The following ANKRD30BL variants were observed in gnomAD, a reference collection of about 807,000 sequenced individuals.
The protein encoded by ANKRD30BL is putative ankyrin repeat domain-containing protein 30B-like.
Under a neutral mutation model 18.4 loss-of-function variants are expected in ANKRD30BL, and 20 were observed. The ratio of observed to expected loss-of-function variants is 1.09; its 90% CI spans 0.77 to 1.58. The LOEUF (loss-of-function observed/expected upper bound fraction) is 1.58, where lower values mean the gene tolerates loss of function less well. ANKRD30BL is among the 40% of genes most tolerant of loss of function. ANKRD30BL has a pLI of 0.00. For missense variants in ANKRD30BL, 224 were observed against 268.6 expected, an observed-to-expected ratio of 0.83 and a Z score of 1.16; for synonymous variants, 72 against 100.9, an observed-to-expected ratio of 0.71 and a Z score of 1.72.
chr2:132,255,815 C>A (rs77072669), intron 1 of ANKRD30BL, among the ~76,000 whole-genome samples: 1 of 152,108 alleles, frequency 6.6e-6, no homozygotes, highest in African/African-American at 2.4e-5. Flanking sequence ...ATAGGCACAG[C>A]GACTACCATA....
rs1178170030 is a variant in ANKRD30BL, at chr2:132,157,289, A to T, written c.333+20T>A. 7.5e-6 allele frequency: 6 copies of T among 803,884 alleles called. No individual in the cohort carries two copies. The highest frequency in any genetic ancestry group is 2.7e-4 in the Middle Eastern group (1 of 3,748). 49.8% of individuals were successfully genotyped at this position (803,884 alleles called of 1,614,324 possible). On this transcript the variant is annotated intron_variant, in intron 2 of 5. Coordinates refer to ENST00000409867, the MANE Select transcript of ANKRD30BL (RefSeq NM_001358416.1). ...TTAAACCAAATCCATCTCCTGCTGA[A>T]AGAACTGGCTACCATTTACCTTCAT...
chr2:132,165,091 A>AC (rs1430192409), upstream of ANKRD30BL, among the ~76,000 whole-genome samples: 3 of 151,922 alleles, frequency 2.0e-5, no homozygotes, highest in Admixed American at 6.6e-5. Context: ...AAACAAACAA[A>AC]AAAAAACGCA....
At chr2:132,256,198 T>C (rs62165005) in intron 1 of ANKRD30BL, among the ~76,000 whole-genome samples, 4 of 152,000 alleles carry the variant, frequency 2.6e-5, no homozygotes, top group Non-Finnish European at 5.9e-5. Context: ...ACCAGGTAGG[T>C]AGAAAGCGGC....
At chr2:132,218,153 C>T (rs1315410824) in intron 1 of ANKRD30BL, among the ~76,000 whole-genome samples, 3 of 152,378 alleles carry the variant, frequency 2.0e-5, no homozygotes, top group Middle Eastern at 3.4e-3. Flanking sequence ...TTCTCAGAAA[C>T]TTTTTTGTGA....
In ANKRD30BL at chr2:132,191,208, TTC is replaced by T. The variant is rs541217247; in HGVS notation, n.442-34064_442-34063del. Among the ~76,000 whole-genome samples, 392 of 152,334 alleles carry T rather than the reference TTC, an allele frequency of 2.6e-3. 5 individuals carry two copies. Among genetic ancestry groups the T allele is most frequent in the African/African-American group, 8.9e-3 (371 of 41,582 alleles). On this transcript the variant is annotated intron_variant and non_coding_transcript_variant, in intron 1 of 4. Transcript: ENST00000470729. ...TTATAATATACCTACTGTTGTTTCA[TTC>T]TCTCAATATATTTTAGGATCACCTA...
chr2:132,227,219 T>C (rs1303389032), intron 1 of ANKRD30BL, among the ~76,000 whole-genome samples: 1 of 152,094 alleles, frequency 6.6e-6, no homozygotes, highest in Non-Finnish European at 1.5e-5. Flanking sequence ...ACATAAATAC[T>C]AGACAGAAGC....
At chr2:132,217,116 A>T (rs1266276909) in intron 1 of ANKRD30BL, among the ~76,000 whole-genome samples, 2 of 152,084 alleles carry the variant, frequency 1.3e-5, no homozygotes, top group African/African-American at 2.4e-5. Flanking sequence ...AGACAGAAGC[A>T]TTCTCAGAAA....
chr2:132,217,970 C>T (rs1408512746), intron 1 of ANKRD30BL, among the ~76,000 whole-genome samples: 1 of 151,592 alleles, frequency 6.6e-6, no homozygotes, highest in African/African-American at 2.4e-5. Context: ...TAGACAGAAG[C>T]ATTCTCAGAA....
At chr2:132,219,576 G>A (rs564675583) in intron 1 of ANKRD30BL, among the ~76,000 whole-genome samples, 15 of 152,176 alleles carry the variant, frequency 9.9e-5, no homozygotes, top group Non-Finnish European at 1.5e-4. Flanking sequence ...TCATAGAGCA[G>A]TTTTGAAACC....
upstream of ANKRD30BL, among the ~76,000 whole-genome samples, chr2:132,163,288 A>G (rs925072763): frequency 8.5e-5 from 13 of 152,196 alleles, 1 homozygote; most frequent in African/African-American, 3.1e-4. Flanking sequence ...TTATCTCTAT[A>G]AAAATAAAAC....
Position 132,253,763 on chromosome 2 carries a change from G to C in ANKRD30BL, n.441+3766C>G, listed in dbSNP as rs74764283. 4.3e-3 allele frequency among the ~76,000 whole-genome samples: 648 copies of C among 151,862 alleles called. 5 individuals carry two copies. The highest frequency in any genetic ancestry group is 0.02 in the South Asian group (97 of 4,822). On this transcript the variant is annotated intron_variant and non_coding_transcript_variant, in intron 1 of 4. Coordinates refer to the ANKRD30BL transcript ENST00000470729. ...CCCCTCAAGGGGTCCTTAAACCTCT[G>C]CACCAGAATGCGCTAGGTACCTGGA...
chr2:132,246,673 T>A (rs1278006969), intron 1 of ANKRD30BL, among the ~76,000 whole-genome samples: 1 of 151,936 alleles, frequency 6.6e-6, no homozygotes, highest in African/African-American at 2.4e-5. Context: ...TCTCAGAAAC[T>A]TTTTTGTGAT....
At chr2:132,175,606 G>A (rs535159572) in intron 1 of ANKRD30BL, among the ~76,000 whole-genome samples, 25 of 152,328 alleles carry the variant, frequency 1.6e-4, no homozygotes, top group South Asian at 2.1e-4. Context: ...TACGGGTGTT[G>A]GGCTTGGGGA....
chr2:132,246,117 C>T (rs1431380775), intron 1 of ANKRD30BL, among the ~76,000 whole-genome samples: 18 of 149,528 alleles, frequency 1.2e-4, no homozygotes, highest in East Asian at 3.9e-4. Flanking sequence ...TCCTTGGAAA[C>T]GGGAATATCT....
At chr2:132,171,241 A>C (rs1688276679) in intron 1 of ANKRD30BL, among the ~76,000 whole-genome samples, 1 of 152,128 alleles carries the variant, frequency 6.6e-6, no homozygotes, top group Admixed American at 6.5e-5. Context: ...AACAGAGGAC[A>C]TATTTGTGAT....
intron 1 of ANKRD30BL, among the ~76,000 whole-genome samples, chr2:132,205,523 C>A (rs1328960325): frequency 3.3e-5 from 5 of 151,086 alleles, no homozygotes; most frequent in African/African-American, 1.2e-4. Flanking sequence ...GTCTCTTGAA[C>A]CTGGGAGGCG....
At chr2:132,200,645 G>T (rs1275850137) in intron 1 of ANKRD30BL, among the ~76,000 whole-genome samples, 1 of 151,996 alleles carries the variant, frequency 6.6e-6, no homozygotes, top group Non-Finnish European at 1.5e-5. Context: ...AAATAAAAGG[G>T]GATACAAACA....
chr2:132,150,111 C>T (rs1389398509), intron 5 of ANKRD30BL, among the ~76,000 whole-genome samples: 1 of 151,864 alleles, frequency 6.6e-6, no homozygotes, highest in Non-Finnish European at 1.5e-5. Flanking sequence ...GCTCAATACT[C>T]GACTGTAATT....
chr2:132,254,908 A>G (rs1423833593), intron 1 of ANKRD30BL, among the ~76,000 whole-genome samples: 1 of 152,188 alleles, frequency 6.6e-6, no homozygotes, highest in Admixed American at 6.5e-5. Flanking sequence ...AGAGCTATCA[A>G]TCTGTCAATC....
Sources: allele counts gnomAD v4.1 joint callset (sites outside exome capture counted in the v4.1 genomes callset), GRCh38; gene constraint gnomAD v4.1.1; transcripts MANE v1.5; gene names NCBI Gene and HGNC (gene_info 2026-07-23, HGNC 2026-07-21).